COL21A1: variants seen among roughly 807,000 people sequenced by gnomAD.
COL21A1 encodes collagen alpha-1(XXI) chain.
A neutral mutation model predicts 137.9 loss-of-function variants in COL21A1; 149 were observed. The observed-to-expected ratio is 1.08, with a 90% CI of 0.95 to 1.24. The LOEUF is 1.24. COL21A1 is among the 50% of genes most tolerant of loss of function. COL21A1 has a pLI of 0.00. For missense variants in COL21A1, 1,167 were observed against 1,158.4 expected (o/e 1.01, Z -0.11); for synonymous variants, 456 against 391.5 (o/e 1.16, Z -1.95).
chr6:56,306,435 T>C (rs186808794), intron 1 of COL21A1, among the ~76,000 whole-genome samples: 197 of 152,296 alleles, frequency 1.3e-3, no homozygotes, highest in Middle Eastern at 3.4e-3. Context: ...CATTTCTTCT[T>C]ATTCTTTTTT....
At chr6:56,236,685 T>C (rs1202505786) in intron 1 of COL21A1, among the ~76,000 whole-genome samples, 1 of 151,984 alleles carries the variant, frequency 6.6e-6, no homozygotes, top group Non-Finnish European at 1.5e-5. Flanking sequence ...TTAAACAGAG[T>C]ATTAGTTTGC....
intron 1 of COL21A1, among the ~76,000 whole-genome samples, chr6:56,220,201 A>G (rs909216804): frequency 6.6e-5 from 10 of 152,132 alleles, no homozygotes; most frequent in African/African-American, 2.4e-4. Context: ...GTGCACAATT[A>G]ATGTCATGTT....
chr6:56,339,475 T>C (rs537540614), intron 1 of COL21A1, among the ~76,000 whole-genome samples: 2 of 152,340 alleles, frequency 1.3e-5, no homozygotes, highest in East Asian at 1.9e-4. Flanking sequence ...TTTCCACCCC[T>C]GAAATAGTCT....
chr6:56,068,124 T>C (rs1364803889), intron 22 of COL21A1, among the ~76,000 whole-genome samples: 2 of 151,670 alleles, frequency 1.3e-5, no homozygotes, highest in African/African-American at 4.8e-5. Context: ...GTCTAACACT[T>C]GATGGCTGTT....
At chr6:56,098,265 A>G (rs867387683) in intron 17 of COL21A1, among the ~76,000 whole-genome samples, 21 of 74,948 alleles carry the variant, frequency 2.8e-4, no homozygotes, top group South Asian at 1.0e-3. Flanking sequence ...AAATACATAT[A>G]TAAATATATA....
intron 1 of COL21A1, among the ~76,000 whole-genome samples, chr6:56,386,471 G>A (rs2152352952): frequency 6.6e-6 from 1 of 152,152 alleles, no homozygotes; most frequent in South Asian, 2.1e-4. Flanking sequence ...GGAATTGTTG[G>A]GTCATGTAGT....
At chr6:56,228,839 T>C (rs1378537274) in intron 1 of COL21A1, among the ~76,000 whole-genome samples, 1 of 151,840 alleles carries the variant, frequency 6.6e-6, no homozygotes, top group Non-Finnish European at 1.5e-5. Context: ...AACTAAGTAA[T>C]TGCTGGTTCA....
chr6:56,147,211 G>A (rs769965839), intron 10 of COL21A1, among the ~76,000 whole-genome samples: 8 of 152,054 alleles, frequency 5.3e-5, no homozygotes, highest in East Asian at 1.9e-4. Flanking sequence ...AAAGAGAGGC[G>A]ATCAATAGCT....
intron 17 of COL21A1, 98 bp from the exon 18 acceptor site, chr6:56,077,671 CAT>C (rs1767367712): frequency 4.4e-6 from 3 of 681,194 alleles, no homozygotes; most frequent in Admixed American, 3.0e-5. Context: ...TGGTAAATAA[CAT>C]ATTTTCAAAT....
At chr6:56,204,120 C>T (rs4712116) in intron 1 of COL21A1, among the ~76,000 whole-genome samples, 84,784 of 151,682 alleles carry the variant, frequency 0.56, 23,962 homozygotes, top group East Asian at 0.78. Context: ...TCACCTGGAA[C>T]GCCAGCGAGA....
At chr6:56,290,298 T>C (rs1412580451) in intron 1 of COL21A1, among the ~76,000 whole-genome samples, 1 of 151,756 alleles carries the variant, frequency 6.6e-6, no homozygotes, top group African/African-American at 2.4e-5. Context: ...GACTGTCCTG[T>C]GTATTACAGG....
chr6:56,205,003 G>C lies in COL21A1; in HGVS notation c.-38-22347C>G, dbSNP rs552006695. The stretch of plus-strand genomic sequence containing the variant: ...AAGGTCACCAACATCAAAGACCAAA[G>C]GTAGATAAATCCACAAAGATGGGGA... On this transcript the variant is annotated intron_variant, in intron 1 of 29. Coordinates refer to ENST00000244728, the MANE Select transcript of COL21A1 (RefSeq NM_030820.4). Among the ~76,000 whole-genome samples, 9 of 152,228 alleles carry C rather than the reference G, an allele frequency of 5.9e-5. No individual in the cohort carries two copies. The East Asian group carries it at 1.7e-3, about 29-fold the overall frequency.
intron 1 of COL21A1, among the ~76,000 whole-genome samples, chr6:56,358,266 A>G (rs1385391483): frequency 6.6e-6 from 1 of 152,170 alleles, no homozygotes; most frequent in African/African-American, 2.4e-5. Context: ...TGTTGTTGTT[A>G]GGACTTTTTA....
intron 1 of COL21A1, among the ~76,000 whole-genome samples, chr6:56,353,075 C>T (rs778544478): frequency 6.6e-6 from 1 of 151,982 alleles, no homozygotes; most frequent in African/African-American, 2.4e-5. Context: ...ATCTTCAGAT[C>T]GTGACTCTAG....
At chr6:56,175,837 AC>A (rs1777426523) in intron 3 of COL21A1, among the ~76,000 whole-genome samples, 1 of 152,204 alleles carries the variant, frequency 6.6e-6, no homozygotes, top group Non-Finnish European at 1.5e-5. Context: ...ATCTTGGGAA[AC>A]AAAAACTAAG....
In COL21A1 at chr6:56,079,937, A is replaced by G. The variant is rs137868156; in HGVS notation, c.1813-2364T>C. Among the ~76,000 whole-genome samples, 5 of 151,796 alleles carry G rather than the reference A, an allele frequency of 3.3e-5. 1 individual carries two copies. The East Asian group carries it at 7.8e-4, about 24-fold the overall frequency. On this transcript the variant is annotated intron_variant, in intron 17 of 29. Coordinates refer to ENST00000244728, the MANE Select transcript of COL21A1 (RefSeq NM_030820.4). ...CTAAGGAATTCTTGGCAAAACTAATATAATACCACAAGCATGCACAGAATA... is the reference window on the plus strand; with the variant it reads ...CTAAGGAATTCTTGGCAAAACTAATGTAATACCACAAGCATGCACAGAATA...
chr6:56,250,425 T>G (rs970261660), upstream of COL21A1, among the ~76,000 whole-genome samples: 1 of 152,196 alleles, frequency 6.6e-6, no homozygotes, highest in African/African-American at 2.4e-5. Flanking sequence ...ATGAACTGCC[T>G]GCGGAGGTCA....
At chr6:56,234,269 T>C (rs994277147) in intron 1 of COL21A1, among the ~76,000 whole-genome samples, 8 of 151,648 alleles carry the variant, frequency 5.3e-5, no homozygotes, top group African/African-American at 1.7e-4. Context: ...TGACAGAAAA[T>C]GTTGAATATA....
chr6:56,151,064 A>C (rs920667558), intron 10 of COL21A1, among the ~76,000 whole-genome samples: 16 of 61,910 alleles, frequency 2.6e-4, no homozygotes, highest in African/African-American at 3.9e-4. Context: ...TCTACTAAAA[A>C]TACAAAAAAA....
Sources: gnomAD v4.1 joint callset for allele counts (sites outside exome capture counted in the v4.1 genomes callset) on GRCh38, gnomAD v4.1.1 for gene constraint, MANE v1.5 for transcripts, NCBI Gene and HGNC (gene_info 2026-07-23, HGNC 2026-07-21) for gene names.